SV2B: variants seen among roughly 807,000 people sequenced by gnomAD.
The protein encoded by SV2B is solute carrier family 22 member B2.
SV2B carries 41 observed loss-of-function variants against 73.9 expected under a neutral mutation model. The ratio of observed to expected loss-of-function variants is 0.56; its 90% confidence interval spans 0.43 to 0.72. SV2B has a LOEUF of 0.72. Among genes scored for constraint, SV2B ranks in the 30% least tolerant of loss-of-function variants. The pLI is 0.00. For missense variants in SV2B, 764 were observed against 857.8 expected (o/e 0.89, Z 1.37); for synonymous variants, 314 against 314.2 (o/e 1.00, Z 0.01).
At chr15:91,286,777 G>A (rs892681593) in intron 11 of SV2B, among the ~76,000 whole-genome samples, 9 of 152,048 alleles carry the variant, frequency 5.9e-5, no homozygotes, top group Admixed American at 2.6e-4. Context: ...ACTCACTCAC[G>A]GTCACACAGG....
At chr15:91,181,052 G>T (rs957400106) in intron 1 of SV2B, among the ~76,000 whole-genome samples, 28 of 152,270 alleles carry the variant, frequency 1.8e-4, no homozygotes, top group Admixed American at 1.7e-3. Flanking sequence ...TGATGATGGT[G>T]ATGTACAGAT....
At chr15:91,185,650 G>A (rs1190086819) in intron 1 of SV2B, among the ~76,000 whole-genome samples, 2 of 152,172 alleles carry the variant, frequency 1.3e-5, no homozygotes, top group Non-Finnish European at 1.5e-5. Context: ...ATTTTTAAAG[G>A]TCACATTACT....
intron 1 of SV2B, among the ~76,000 whole-genome samples, chr15:91,165,587 A>C (rs1358139172): frequency 6.6e-6 from 1 of 152,176 alleles, no homozygotes; most frequent in Non-Finnish European, 1.5e-5. Context: ...GTGTCCTAGA[A>C]CTAATCCTCT....
intron 1 of SV2B, among the ~76,000 whole-genome samples, chr15:91,193,124 C>T (rs75103528): frequency 2.0e-5 from 3 of 152,242 alleles, no homozygotes; most frequent in Non-Finnish European, 4.4e-5. Context: ...CAATATTGTT[C>T]CCGGTTCAGC....
At chr15:91,168,886 A>G (rs1203868074) in intron 1 of SV2B, among the ~76,000 whole-genome samples, 2 of 152,250 alleles carry the variant, frequency 1.3e-5, no homozygotes, top group Non-Finnish European at 2.9e-5. Flanking sequence ...TATTGATAAT[A>G]TAAATGATGG....
Position 91,301,215 on chromosome 15 carries a change from A to T in SV2B, c.*8663A>T. On this transcript the variant is annotated 3_prime_UTR_variant, in exon 13 of 13. Transcript: ENST00000394232. This position sits in a 1 kb window ranked among gnomAD's most constrained non-coding sequence, Gnocchi z 4.3. The stretch of plus-strand genomic sequence containing the variant: ...TAGAGCTTACCGTATGTCCATGTAG[A>T]GTTGCTCATATTAGTCTGTAAATAA... 1 of 152,242 alleles carries T rather than the reference A, an allele frequency of 6.6e-6. No homozygotes were observed. The highest frequency in any genetic ancestry group is 1.9e-4 in the East Asian group (1 of 5,204). 9.4% of individuals were successfully genotyped at this position (152,242 alleles called of 1,614,324 possible). A position where few individuals can be genotyped will look rare whatever the true frequency, so the allele number is the denominator to read the frequency against.
intron 1 of SV2B, among the ~76,000 whole-genome samples, chr15:91,166,018 C>G (rs1213748586): frequency 6.6e-6 from 1 of 152,178 alleles, no homozygotes; most frequent in Admixed American, 6.5e-5. Flanking sequence ...TTTCTTTCAG[C>G]ACTTAAAAAG....
In SV2B at chr15:91,252,614, C is replaced by CA; in HGVS notation, c.784+95dup. On this transcript the variant is annotated intron_variant, in intron 4 of 12. Coordinates refer to ENST00000394232, the MANE Select transcript of SV2B (RefSeq NM_001323032.3). The surrounding 1 kb of genome is among the most constrained non-coding windows in gnomAD (Gnocchi z 4.6). ...TGTCCTCAGCCTTATTCCATGTACT[C>CA]ACGCACAGTTCCCGTACGTGACCTT... is the stretch of plus-strand genomic sequence containing the variant. The CA allele has an allele frequency of 7.5e-7, 1 of 1,334,962 alleles. No homozygotes were observed. The highest frequency in any genetic ancestry group is 2.7e-5 in the East Asian group (1 of 36,482). The allele number at this position is 1,334,962 out of a possible 1,614,324, so 82.7% of individuals were successfully genotyped here. A position where few individuals can be genotyped will look rare whatever the true frequency, so the allele number is the denominator to read the frequency against.
intron 1 of SV2B, among the ~76,000 whole-genome samples, chr15:91,154,673 A>G (rs1343806948): frequency 6.6e-6 from 1 of 152,192 alleles, no homozygotes; most frequent in Admixed American, 6.5e-5. Context: ...GAAAATTTGA[A>G]TACAGAGACA....
intron 1 of SV2B, among the ~76,000 whole-genome samples, chr15:91,179,669 A>G (rs1226174577): frequency 6.6e-6 from 1 of 151,760 alleles, no homozygotes; most frequent in Non-Finnish European, 1.5e-5. Context: ...GTCTCTTTTG[A>G]TCTTTGTTGG....
chr15:91,232,631 T>A lies in SV2B; in HGVS notation c.451+5917T>A, dbSNP rs548790921. Among the ~76,000 whole-genome samples the A allele has an allele frequency of 1.4e-4, 21 of 152,336 alleles. No homozygotes were observed. The highest frequency in any genetic ancestry group is 3.4e-3 in the Middle Eastern group (1 of 294). ...GGTTCTGGGGTTTCTGGAATTGGCTTTCTAATCTGATTAGATTTAAAGAGT... is the reference window on the plus strand; with the variant it reads ...GGTTCTGGGGTTTCTGGAATTGGCTATCTAATCTGATTAGATTTAAAGAGT... On this transcript the variant is annotated intron_variant, in intron 2 of 12. Coordinates refer to ENST00000394232, the MANE Select transcript of SV2B (RefSeq NM_001323032.3). This position sits in a 1 kb window ranked among gnomAD's most constrained non-coding sequence, Gnocchi z 4.7.
In SV2B at chr15:91,268,988, T is replaced by C. The variant is rs1333675239; in HGVS notation, c.1373+383T>C. 6.6e-6 allele frequency among the ~76,000 whole-genome samples: 1 copy of C among 152,282 alleles called. No individual in the cohort carries two copies. The highest frequency in any genetic ancestry group is 2.1e-4 in the South Asian group (1 of 4,826). On this transcript the variant is annotated intron_variant, in intron 9 of 12. Transcript: ENST00000394232. The surrounding 1 kb of genome is among the most constrained non-coding windows in gnomAD (Gnocchi z 4.4). ...AAAGCCTGGGTGTTGAGCTTTTACT[T>C]TGACCCTAGAAGCTTTTCCATGCCA...
Position 91,268,514 on chromosome 15 carries a change from A to G in SV2B, c.1282A>G (p.Lys428Glu). Reference protein sequence around the residue: ...FQDEEYKSKMKVFFGEHVYGA... With the variant: ...FQDEEYKSKMEVFFGEHVYGA... Reference sequence around the variant, plus strand: ...AGATGAAGAATACAAGTCTAAAATGAAGGTGTTTTTTGGTGAGCATGTGTA... The same window carrying G: ...AGATGAAGAATACAAGTCTAAAATGGAGGTGTTTTTTGGTGAGCATGTGTA... The change falls in exon 9 of 13, where the codon AAG (lysine) becomes GAG (glutamate). Residue 428 changes from lysine (K) to glutamate (E), a missense_variant. Coordinates refer to ENST00000394232, the MANE Select transcript of SV2B (RefSeq NM_001323032.3). The surrounding 1 kb of genome is among the most constrained non-coding windows in gnomAD (Gnocchi z 4.4). The G allele has an allele frequency of 6.2e-7, 1 of 1,614,180 alleles. No individual in the cohort carries two copies. The highest frequency in any genetic ancestry group is 8.5e-7 in the Non-Finnish European group (1 of 1,180,012).
rs898714554 is a variant in SV2B at position 91,294,179 on chromosome 15, A to G, written c.*1627A>G. 6.6e-6 allele frequency: 1 copy of G among 152,222 alleles called. No individual in the cohort carries two copies. The highest frequency in any genetic ancestry group is 1.5e-5 in the Non-Finnish European group (1 of 68,042). 9.4% of individuals were successfully genotyped at this position (152,222 alleles called of 1,614,324 possible). On this transcript the variant is annotated 3_prime_UTR_variant, in exon 13 of 13. Coordinates refer to ENST00000394232, the MANE Select transcript of SV2B (RefSeq NM_001323032.3). This position sits in a 1 kb window ranked among gnomAD's most constrained non-coding sequence, Gnocchi z 4.1. ...GAGATCTCCAAAAATTTAAAACAGA[A>G]TAATAATGGCTATATCGAGTGTTTT...
rs1435368636 is a variant in SV2B at position 91,139,273 on chromosome 15, G to A, written c.-392+38910G>A. Among the ~76,000 whole-genome samples, 1 of 152,026 alleles carries A rather than the reference G, an allele frequency of 6.6e-6. No individual in the cohort carries two copies. Among genetic ancestry groups the A allele is most frequent in the Non-Finnish European group, 1.5e-5 (1 of 68,016 alleles). On this transcript the variant is annotated intron_variant, in intron 1 of 12. Transcript: ENST00000394232. The surrounding 1 kb of genome is among the most constrained non-coding windows in gnomAD (Gnocchi z 5.2). Reference sequence around the variant, plus strand: ...GAGTTGATAATTGTTCGAGTTAGCTGGTGGGTACATGGTAGTTCATTAAAT... The same window carrying A: ...GAGTTGATAATTGTTCGAGTTAGCTAGTGGGTACATGGTAGTTCATTAAAT...
chr15:91,273,475 C>T (rs1422652002), intron 9 of SV2B, among the ~76,000 whole-genome samples: 2 of 152,170 alleles, frequency 1.3e-5, no homozygotes, highest in Non-Finnish European at 1.5e-5. Context: ...ACTTTGGCTG[C>T]TGAAAATTGG....
In SV2B at chr15:91,118,015, C is replaced by T. The variant is rs373443802; in HGVS notation, c.-392+17652C>T. 3.3e-5 allele frequency among the ~76,000 whole-genome samples: 5 copies of T among 152,152 alleles called. No homozygotes were observed. The East Asian group carries it at 5.8e-4, about 18-fold the overall frequency. ...AGAGGTATCAAAACTGGCTTTGGGA[C>T]CCACAACTCTAAGCCCCTGGGTCTA... On this transcript the variant is annotated intron_variant, in intron 1 of 12. Coordinates refer to ENST00000394232, the MANE Select transcript of SV2B (RefSeq NM_001323032.3). The surrounding 1 kb of genome is among the most constrained non-coding windows in gnomAD (Gnocchi z 4.7).
chr15:91,121,427 G>A lies in SV2B; in HGVS notation c.-392+21064G>A, dbSNP rs17641976. Among the ~76,000 whole-genome samples, 11,686 of 152,204 alleles carry A rather than the reference G, an allele frequency of 0.077. 521 individuals carry two copies. The highest frequency in any genetic ancestry group is 0.11 in the African/African-American group (4,648 of 41,528). ...TGTGCAGCCAAGACCCAGTGACAGAGCAAACCTTCAATTATTATTACTGTT... is the reference window on the plus strand; with the variant it reads ...TGTGCAGCCAAGACCCAGTGACAGAACAAACCTTCAATTATTATTACTGTT... On this transcript the variant is annotated intron_variant, in intron 1 of 12. Transcript: ENST00000394232. The surrounding 1 kb of genome is among the most constrained non-coding windows in gnomAD (Gnocchi z 4.4).
Position 91,224,397 on chromosome 15 carries a change from G to T in SV2B, c.-391-1476G>T, listed in dbSNP as rs2046309888. 6.6e-6 allele frequency among the ~76,000 whole-genome samples: 1 copy of T among 152,198 alleles called. No individual in the cohort carries two copies. The highest frequency in any genetic ancestry group is 2.4e-5 in the African/African-American group (1 of 41,460). ...GAGGGTCCAGCAGCTGGGAGCACTG[G>T]GGTGGGGTAGGGGGTGTAGGAGGGG... is the stretch of plus-strand genomic sequence containing the variant. On this transcript the variant is annotated intron_variant, in intron 1 of 12. Transcript: ENST00000394232. The surrounding 1 kb of genome is among the most constrained non-coding windows in gnomAD (Gnocchi z 4.9).
Sources: allele counts gnomAD v4.1 joint callset (sites outside exome capture counted in the v4.1 genomes callset), GRCh38; gene constraint gnomAD v4.1.1; non-coding constraint Gnocchi (gnomAD v3.1); transcripts MANE v1.5; gene names NCBI Gene and HGNC (gene_info 2026-07-23, HGNC 2026-07-21).